The following FAXC variants were observed in gnomAD, a reference collection of about 807,000 sequenced individuals.
FAXC encodes failed axon connections homolog, metaxin like GST domain containing, also known as failed axon connections homolog.
Under a neutral mutation model 41.9 loss-of-function variants are expected in FAXC, and 10 were observed. That is an observed-to-expected ratio of 0.24 (90% CI 0.15 to 0.41). The LOEUF is 0.41. Ranked by LOEUF, FAXC falls within the 10% of genes least tolerant of loss-of-function variation. FAXC has a pLI of 1.00. For missense variants in FAXC, 399 were observed against 510.9 expected (o/e 0.78, Z 2.11); for synonymous variants, 183 against 183.8 (o/e 1.00, Z 0.03).
chr6:99,300,052 T>G (rs1195805700), intron 4 of FAXC, among the ~76,000 whole-genome samples: 1 of 152,034 alleles, frequency 6.6e-6, no homozygotes, highest in Non-Finnish European at 1.5e-5. Context: ...ACACAAAAAT[T>G]TATCTCTTTC....
chr6:99,331,405 C>T (rs1323564154), intron 3 of FAXC, among the ~76,000 whole-genome samples: 5 of 152,088 alleles, frequency 3.3e-5, no homozygotes, highest in Non-Finnish European at 5.9e-5. Context: ...CACTCCACCC[C>T]GCATGGAGTA....
Position 99,274,604 on chromosome 6 carries a change from T to G in FAXC, c.*6560A>C, listed in dbSNP as rs1020831184. The G allele has an allele frequency of 4.6e-5, 7 of 152,216 alleles. No individual in the cohort carries two copies. Among genetic ancestry groups the G allele is most frequent in the Non-Finnish European group, 8.8e-5 (6 of 68,028 alleles). 9.4% of individuals were successfully genotyped at this position (152,216 alleles called of 1,614,324 possible). A position where few individuals can be genotyped will look rare whatever the true frequency, so the allele number is the denominator to read the frequency against. ...GATCACTGGGAAAAAAACATGTGTTTACAATAAGCTTGTTCTGATCCCACA... is the reference window on the plus strand; with the variant it reads ...GATCACTGGGAAAAAAACATGTGTTGACAATAAGCTTGTTCTGATCCCACA... On this transcript the variant is annotated 3_prime_UTR_variant, in exon 6 of 6. Transcript: ENST00000389677.
chr6:99,292,100 C>T (rs910457517), intron 4 of FAXC, among the ~76,000 whole-genome samples: 2 of 152,170 alleles, frequency 1.3e-5, no homozygotes, highest in Admixed American at 6.5e-5. Flanking sequence ...GAACTGATCA[C>T]CACCAGACCT....
intron 1 of FAXC, among the ~76,000 whole-genome samples, chr6:99,344,528 T>G (rs1182272661): frequency 1.3e-5 from 2 of 152,108 alleles, no homozygotes; most frequent in African/African-American, 4.8e-5. Context: ...TTGAAAAGTT[T>G]ACCACCCAAG....
Position 99,342,677 on chromosome 6 carries a change from C to T in FAXC, c.402+221G>A, listed in dbSNP as rs200929390. Among the ~76,000 whole-genome samples, 15 of 152,272 alleles carry T rather than the reference C, an allele frequency of 9.9e-5. No homozygotes were observed. In the East Asian group the frequency reaches 2.1e-3, roughly 22 times the overall value. Reference sequence around the variant, plus strand: ...ACTCTGTTAAAGAAAAATATCATGGCGCTGAATCTCTCAAAAGTTTAGACC... The same window carrying T: ...ACTCTGTTAAAGAAAAATATCATGGTGCTGAATCTCTCAAAAGTTTAGACC... On this transcript the variant is annotated intron_variant, in intron 2 of 5. Coordinates refer to ENST00000389677, the MANE Select transcript of FAXC (RefSeq NM_032511.4).
intron 4 of FAXC, among the ~76,000 whole-genome samples, chr6:99,308,812 G>A (rs952450716): frequency 2.6e-5 from 4 of 152,042 alleles, no homozygotes; most frequent in Admixed American, 6.5e-5. Context: ...GAAAGTATAC[G>A]GAAATAGGAA....
chr6:99,348,978 G>A lies in FAXC; in HGVS notation c.266+129C>T, dbSNP rs1773692843. The A allele has an allele frequency of 3.5e-6, 3 of 846,604 alleles. No homozygotes were observed. The African/African-American group carries it at 5.1e-5, about 14-fold the overall frequency. 52.4% of individuals were successfully genotyped at this position (846,604 alleles called of 1,614,324 possible). On this transcript the variant is annotated intron_variant, in intron 1 of 5. Transcript: ENST00000389677. ...TGACCACAAATGCCTTTAGGGAAAGGTAATTGCAGGGCGCTTGGGCATCTG... is the reference window on the plus strand; with the variant it reads ...TGACCACAAATGCCTTTAGGGAAAGATAATTGCAGGGCGCTTGGGCATCTG...
rs780892120 is a variant in FAXC at position 99,291,661 on chromosome 6, GC to G, written c.940+42del. 6.6e-5 allele frequency: 94 copies of G among 1,414,754 alleles called. No individual in the cohort carries two copies. In the African/African-American group the frequency reaches 1.1e-3, roughly 17 times the overall value. 87.6% of individuals were successfully genotyped at this position (1,414,754 alleles called of 1,614,324 possible). On this transcript the variant is annotated intron_variant, in intron 5 of 5. Coordinates refer to ENST00000389677, the MANE Select transcript of FAXC (RefSeq NM_032511.4). ...ACTGTGCTACCCCACTGCCCACCCA[GC>G]CCCAGTAAGCCCCAAAACCTGAAGA...
chr6:99,321,284 T>C (rs1198281462), intron 4 of FAXC, among the ~76,000 whole-genome samples: 1 of 152,220 alleles, frequency 6.6e-6, no homozygotes, highest in Non-Finnish European at 1.5e-5. Context: ...TATACAACCA[T>C]GGACAATTAT....
chr6:99,332,803 T>C (rs1273078413), intron 3 of FAXC, among the ~76,000 whole-genome samples: 2 of 152,216 alleles, frequency 1.3e-5, no homozygotes, highest in Non-Finnish European at 2.9e-5. Flanking sequence ...GACATAATAT[T>C]ATTTTAATTC....
rs1391830475 is a variant in FAXC at position 99,318,876 on chromosome 6, C to T, written c.823+4568G>A. ...GATTCCCACACCCATATGCCAGCCA[C>T]TAGGCTTCCTGCCTCTAGCCACGCT... On this transcript the variant is annotated intron_variant, in intron 4 of 5. Coordinates refer to ENST00000389677, the MANE Select transcript of FAXC (RefSeq NM_032511.4). 2.2e-4 allele frequency among the ~76,000 whole-genome samples: 34 copies of T among 152,220 alleles called. 1 individual carries two copies. The highest frequency in any genetic ancestry group is 2.2e-3 in the Admixed American group (34 of 15,282).
At chr6:99,305,993 T>C (rs763627454) in intron 4 of FAXC, among the ~76,000 whole-genome samples, 9 of 151,764 alleles carry the variant, frequency 5.9e-5, no homozygotes, top group Non-Finnish European at 8.8e-5. Flanking sequence ...AAGCAGCCAA[T>C]GATCAGCGCT....
chr6:99,311,009 A>G (rs951956621), intron 4 of FAXC, among the ~76,000 whole-genome samples: 7 of 152,180 alleles, frequency 4.6e-5, no homozygotes, highest in African/African-American at 1.7e-4. Flanking sequence ...AACAAAAACA[A>G]TTTTGCTACT....
chr6:99,291,868 C>T (rs1405310560), intron 4 of FAXC, 48 bp from the exon 5 acceptor site: 1 of 1,294,128 alleles, frequency 7.7e-7, no homozygotes, highest in Non-Finnish European at 1.1e-6. Context: ...CACACTGCCC[C>T]ACATCATCAC....
intron 4 of FAXC, among the ~76,000 whole-genome samples, chr6:99,296,231 G>A (rs221582): frequency 0.63 from 95,471 of 151,836 alleles, 30,224 homozygotes; most frequent in African/African-American, 0.7. Context: ...TAAAGGCTTC[G>A]GACTGCAGCA....
Position 99,279,654 on chromosome 6 carries a change from C to T in FAXC, c.*1510G>A, listed in dbSNP as rs1007001233. The T allele has an allele frequency of 2.6e-5, 4 of 152,094 alleles. No homozygotes were observed. Among genetic ancestry groups the T allele is most frequent in the African/African-American group, 9.7e-5 (4 of 41,384 alleles). 9.4% of individuals were successfully genotyped at this position (152,094 alleles called of 1,614,324 possible). A position where few individuals can be genotyped will look rare whatever the true frequency, so the allele number is the denominator to read the frequency against. ...CCCAGGATCTCTGCCCCATATTTCC[C>T]TGGAAAATGTCCTAAGTCAAAACAA... On this transcript the variant is annotated 3_prime_UTR_variant, in exon 6 of 6. Coordinates refer to ENST00000389677, the MANE Select transcript of FAXC (RefSeq NM_032511.4).
At chr6:99,323,898 C>T (rs1772685327) in intron 3 of FAXC, among the ~76,000 whole-genome samples, 1 of 152,132 alleles carries the variant, frequency 6.6e-6, no homozygotes, top group African/African-American at 2.4e-5. Flanking sequence ...TGCCATCAAA[C>T]CTTTCCTGGT....
chr6:99,305,757 C>T (rs1771896105), intron 4 of FAXC, among the ~76,000 whole-genome samples: 1 of 150,284 alleles, frequency 6.7e-6, no homozygotes, highest in East Asian at 1.9e-4. Flanking sequence ...GTATATTATA[C>T]ATAAGGGTAT....
intron 3 of FAXC, among the ~76,000 whole-genome samples, chr6:99,327,340 A>G (rs1582672425): frequency 6.6e-6 from 1 of 152,138 alleles, no homozygotes; most frequent in Non-Finnish European, 1.5e-5. Flanking sequence ...ACAAGAATCC[A>G]CCTCCTTTCA....
Sources: allele counts gnomAD v4.1 joint callset (sites outside exome capture counted in the v4.1 genomes callset), GRCh38; gene constraint gnomAD v4.1.1; transcripts MANE v1.5; gene names NCBI Gene and HGNC (gene_info 2026-07-23, HGNC 2026-07-21).